SZT2: variants seen among roughly 807,000 people sequenced by gnomAD.
The protein encoded by SZT2 is SZT2 subunit of KICSTOR complex.
SZT2 carries 216 observed loss-of-function variants against 404.2 expected under a neutral mutation model. The ratio of observed to expected loss-of-function variants is 0.53; its 90% CI spans 0.48 to 0.60. The LOEUF (loss-of-function observed/expected upper bound fraction) is 0.60, where lower values mean the gene tolerates loss of function less well. Among genes scored for constraint, SZT2 ranks in the 20% least tolerant of loss-of-function variants. The pLI, the probability that SZT2 is intolerant of heterozygous loss-of-function variation, is 0.00. For synonymous variants in SZT2, 1,693 were observed against 1,749.9 expected (o/e 0.97, Z 0.81); for missense variants, 3,857 against 4,459.2 (o/e 0.86, Z 3.85).
rs551592558 is a variant in SZT2, at chr1:43,451,043, TC to T, written c.*566del. The T allele has an allele frequency of 3.3e-4, 257 of 781,986 alleles. No homozygotes were observed. The African/African-American group carries it at 4.1e-3, about 12-fold the overall frequency. The allele number at this position is 781,986 out of a possible 1,614,324, so 48.4% of individuals were successfully genotyped here. ...TTTAATGAGGTGGGTTCAGAAGCTCTCCCATCTTCACAGCAACCCTGGCACT... is the reference window on the plus strand; with the variant it reads ...TTTAATGAGGTGGGTTCAGAAGCTCTCCATCTTCACAGCAACCCTGGCACT... On this transcript the variant is annotated 3_prime_UTR_variant, in exon 72 of 72. Transcript: ENST00000634258.
chr1:43,427,397 A>C lies in SZT2; in HGVS notation c.3550A>C (p.Lys1184Gln), dbSNP rs778560456. 15 of 1,613,846 alleles carry C rather than the reference A, an allele frequency of 9.3e-6. No individual in the cohort carries two copies. Among genetic ancestry groups the C allele is most frequent in the African/African-American group, 1.3e-5 (1 of 74,938 alleles). Residue 1184 changes from lysine (K) to glutamine (Q), a missense_variant, in exon 25 of 72, where the codon AAA becomes CAA. By Grantham distance (53) the Lys-to-Gln change is moderately conservative (BLOSUM62 1). Coordinates refer to ENST00000634258, the MANE Select transcript of SZT2 (RefSeq NM_001365999.1). The part of the protein sequence containing the change: ...SLKDLGGTGI[K>Q]ATKSHVPVLS... ...GAAAGATCTAGGAGGAACTGGGATCAAAGCTACAAAGTCCCACGTCCCTGT... is the reference window on the plus strand; with the variant it reads ...GAAAGATCTAGGAGGAACTGGGATCCAAGCTACAAAGTCCCACGTCCCTGT...
intron 35 of SZT2, 27 bp from the exon 36 acceptor site, chr1:43,431,689 C>T (rs368435286): frequency 1.2e-6 from 2 of 1,611,830 alleles, no homozygotes; most frequent in Non-Finnish European, 1.7e-6. Context: ...AGGGAGATGC[C>T]CTTTGTCACT....
intron 1 of SZT2, among the ~76,000 whole-genome samples, chr1:43,395,789 G>A (rs980945044): frequency 1.3e-5 from 2 of 152,230 alleles, no homozygotes; most frequent in Non-Finnish European, 2.9e-5. Context: ...TGCCTAGCAT[G>A]TACCAGGCTT....
At position 43,422,507 on chromosome 1, in the gene SZT2, G is replaced by A. The variant is rs748420169; in HGVS notation, c.1797G>A (p.Pro599=). The change falls in exon 13 of 72, where the codon CCG becomes CCA. Residue 599 remains proline, a synonymous_variant. Transcript: ENST00000634258. ...CAATCCCCAAGCACTTGCACACCCCGGGCAGCAATGGGCGCTACAGCACTA... is the reference window on the plus strand; with the variant it reads ...CAATCCCCAAGCACTTGCACACCCCAGGCAGCAATGGGCGCTACAGCACTA... ...DTPIPKHLHT[P]GSNGRYSTIQ... is the part of the protein sequence containing the mutation. 38 of 1,594,714 alleles carry A rather than the reference G, an allele frequency of 2.4e-5. No homozygotes were observed. The highest frequency in any genetic ancestry group is 1.1e-4 in the East Asian group (5 of 44,874).
rs1219509120 is a variant in SZT2, at chr1:43,442,109, TG to T, written c.7854del (p.Trp2618Ter). 6.4e-7 allele frequency: 1 copy of T among 1,555,620 alleles called. No individual in the cohort carries two copies. Among genetic ancestry groups the T allele is most frequent in the African/African-American group, 1.4e-5 (1 of 70,148 alleles). On this transcript the variant is annotated frameshift_variant, in exon 56 of 72. Transcript: ENST00000634258. LOFTEE classifies it high-confidence loss of function. This position sits in a 1 kb window ranked among gnomAD's most constrained non-coding sequence, Gnocchi z 4.5. ...GCTTCTGGGAAGGAACTTCTTGCAGTGGAGGAGACCAACACAGCAGGGTGAG... is the reference window on the plus strand; with the variant it reads ...GCTTCTGGGAAGGAACTTCTTGCAGTGAGGAGACCAACACAGCAGGGTGAG... ...LLLLGRNFLQ[W>X]RRPTQQAAKA...
Position 43,423,138 on chromosome 1 carries a change from T to A in SZT2, c.2077T>A (p.Phe693Ile). The A allele has an allele frequency of 6.3e-7, 1 of 1,596,648 alleles. No individual in the cohort carries two copies. The highest frequency in any genetic ancestry group is 8.5e-7 in the Non-Finnish European group (1 of 1,179,100). Residue 693 changes from phenylalanine (F) to isoleucine (I), a missense_variant, in exon 15 of 72, where the codon TTC (phenylalanine) becomes ATC (isoleucine). Coordinates refer to ENST00000634258, the MANE Select transcript of SZT2 (RefSeq NM_001365999.1). Reference protein sequence around the residue: ...GLREEILRLRFPHRVQSKEPT... With the variant: ...GLREEILRLRIPHRVQSKEPT... ...GAGGGAAGAGATCCTGCGGCTGCGT[T>A]TCCCCCACCGGGTACAAAGCAAGGA...
At chr1:43,402,040 A>C (rs1649749049) in intron 1 of SZT2, among the ~76,000 whole-genome samples, 1 of 152,098 alleles carries the variant, frequency 6.6e-6, no homozygotes, top group African/African-American at 2.4e-5. Context: ...TCTTCTCTCC[A>C]TGCATGTTTC....
Position 43,431,366 on chromosome 1 carries a change from A to G in SZT2, c.5018A>G (p.Glu1673Gly). Reference protein sequence around the residue: ...GLGPPLPPPEEERHPGLSNLA... With the variant: ...GLGPPLPPPEGERHPGLSNLA... ...GGGCCCCCACTGCCACCCCCAGAAG[A>G]GGAGAGGTACTTCTTTATCTCCCTG... Residue 1673 changes from glutamate to glycine, a missense_variant, in exon 34 of 72, where the codon GAG becomes GGG. Around this residue, in one of 7 missense-constraint regions of SZT2, gnomAD observed 1,725 missense variants for 1,881.0 expected, o/e 0.92. Transcript: ENST00000634258. The G allele has an allele frequency of 1.2e-6, 2 of 1,612,106 alleles. No individual in the cohort carries two copies. The highest frequency in any genetic ancestry group is 1.7e-4 in the Middle Eastern group (1 of 6,058).
rs756958666 is a variant in SZT2, at chr1:43,450,062, G to C, written c.10087-41G>C. The C allele has an allele frequency of 1.9e-6, 3 of 1,612,926 alleles. No homozygotes were observed. In the East Asian group the frequency reaches 6.7e-5, roughly 36 times the overall value. Reference sequence around the variant, plus strand: ...TTCACCTCAGGATGCCCTGTGGGAGGGTCTGTAGGGTCTGTGTCCCCTCCT... The same window carrying C: ...TTCACCTCAGGATGCCCTGTGGGAGCGTCTGTAGGGTCTGTGTCCCCTCCT... On this transcript the variant is annotated intron_variant, in intron 70 of 71. Coordinates refer to ENST00000634258, the MANE Select transcript of SZT2 (RefSeq NM_001365999.1). The surrounding 1 kb of genome is among the most constrained non-coding windows in gnomAD (Gnocchi z 4.3).
At chr1:43,432,920 T>C in intron 39 of SZT2, 69 bp from the exon 40 acceptor site, 1 of 1,597,158 alleles carries the variant, frequency 6.3e-7, no homozygotes, top group Non-Finnish European at 8.6e-7. Context: ...TCAAGCCAGA[T>C]GCACCTGGAG....
chr1:43,453,378 C>T lies in SZT2; in HGVS notation c.*2898C>T. On this transcript the variant is annotated 3_prime_UTR_variant, in exon 72 of 72. Transcript: ENST00000634258. The stretch of plus-strand genomic sequence containing the variant: ...TCACAGGGGTGGGGGTGGGGTGGAG[C>T]GGGGTACCTGGGACAGCCCAGGGCT... 1 of 1,534,122 alleles carries T rather than the reference C, an allele frequency of 6.5e-7. No homozygotes were observed. Among genetic ancestry groups the T allele is most frequent in the Non-Finnish European group, 8.8e-7 (1 of 1,133,178 alleles).
At chr1:43,393,853 C>G (rs550165707) in intron 1 of SZT2, among the ~76,000 whole-genome samples, 1 of 151,988 alleles carries the variant, frequency 6.6e-6, no homozygotes, top group Non-Finnish European at 1.5e-5. Flanking sequence ...AGAATGATAG[C>G]CTTCCTCTCC....
At position 43,452,822 on chromosome 1, in the gene SZT2, T is replaced by A; in HGVS notation, c.*2342T>A. 6.9e-7 allele frequency: 1 copy of A among 1,442,182 alleles called. No homozygotes were observed. The highest frequency in any genetic ancestry group is 9.5e-7 in the Non-Finnish European group (1 of 1,049,778). 89.3% of individuals were successfully genotyped at this position (1,442,182 alleles called of 1,614,324 possible). A position where few individuals can be genotyped will look rare whatever the true frequency, so the allele number is the denominator to read the frequency against. ...TCAGCCCCACTTTGAGCCGTCCACC[T>A]CCTCCCATCATCCCCTGATCTTAGC... On this transcript the variant is annotated 3_prime_UTR_variant, in exon 72 of 72. Coordinates refer to ENST00000634258, the MANE Select transcript of SZT2 (RefSeq NM_001365999.1).
intron 1 of SZT2, among the ~76,000 whole-genome samples, chr1:43,391,314 CAA>C (rs1362276058): frequency 5.6e-5 from 7 of 125,870 alleles, no homozygotes; most frequent in Admixed American, 8.1e-5. Context: ...AACTCCGTCT[CAA>C]AAAAAAAAAA....
At position 43,416,091 on chromosome 1, in the gene SZT2, C is replaced by T. The variant is rs568308473; in HGVS notation, c.762C>T (p.Asn254=). Residue 254 remains asparagine, a synonymous_variant, in exon 6 of 72, where the codon AAC becomes AAT. Coordinates refer to ENST00000634258, the MANE Select transcript of SZT2 (RefSeq NM_001365999.1). ...TGGCACTGCAGTTACTACCCTCGAACTCTAGTGCAGGTCAGTAGAAGGAAT... is the reference window on the plus strand; with the variant it reads ...TGGCACTGCAGTTACTACCCTCGAATTCTAGTGCAGGTCAGTAGAAGGAAT... ...GILALQLLPS[N]SSAGIIVITD... The T allele has an allele frequency of 1.9e-6, 3 of 1,598,274 alleles. No homozygotes were observed. In the East Asian group the frequency reaches 6.7e-5, roughly 36 times the overall value.
chr1:43,411,326 G>A (rs1268198902), intron 4 of SZT2, among the ~76,000 whole-genome samples: 3 of 152,230 alleles, frequency 2.0e-5, no homozygotes, highest in South Asian at 4.1e-4. Context: ...GCCAGAGGGG[G>A]CAGCTGGCAG....
chr1:43,436,995 T>C (rs889353345), intron 42 of SZT2, 176 bp from the exon 43 acceptor site: 4 of 748,528 alleles, frequency 5.3e-6, no homozygotes, highest in Non-Finnish European at 8.6e-6. Context: ...CCTGTGTTCC[T>C]AAGGGCATGC....
chr1:43,431,984 G>C lies in SZT2; in HGVS notation c.5274+83G>C, dbSNP rs546707864. The stretch of plus-strand genomic sequence containing the variant: ...CAGGCACAGGACTGGAAGGCCCTCT[G>C]TTAGTTCGAACTCATAGAGTTATCC... On this transcript the variant is annotated intron_variant, in intron 36 of 71. Transcript: ENST00000634258. 1.7e-5 allele frequency: 26 copies of C among 1,511,840 alleles called. No individual in the cohort carries two copies. The South Asian group carries it at 3.0e-4, about 17-fold the overall frequency. The allele number at this position is 1,511,840 out of a possible 1,614,324, so 93.7% of individuals were successfully genotyped here.
At chr1:43,414,256 C>T (rs919483202) in intron 4 of SZT2, among the ~76,000 whole-genome samples, 3 of 151,742 alleles carry the variant, frequency 2.0e-5, no homozygotes, top group African/African-American at 4.8e-5. Flanking sequence ...CTAGCCTGGG[C>T]GACAGAGCAA....
Sources: allele counts gnomAD v4.1 joint callset (sites outside exome capture counted in the v4.1 genomes callset), GRCh38; gene constraint gnomAD v4.1.1; regional missense constraint gnomAD v4.1.1; non-coding constraint Gnocchi (gnomAD v3.1); transcripts MANE v1.5; gene names NCBI Gene and HGNC (gene_info 2026-07-23, HGNC 2026-07-21).